The following DGKH variants were observed in gnomAD, a reference collection of about 807,000 sequenced individuals.
The protein encoded by DGKH is DAG kinase eta.
A neutral mutation model predicts 159.3 loss-of-function variants in DGKH; 90 were observed. The observed-to-expected ratio is 0.57, with a 90% CI of 0.48 to 0.67. DGKH has a LOEUF of 0.67. DGKH is among the 30% of genes least tolerant of loss of function. The pLI is 0.00. For missense variants in DGKH, 1,181 were observed against 1,506.1 expected (o/e 0.78, Z 3.57); for synonymous variants, 536 against 553.8 (o/e 0.97, Z 0.45).
chr13:42,220,212 A>G (rs981425413), intron 28 of DGKH, among the ~76,000 whole-genome samples: 3 of 152,156 alleles, frequency 2.0e-5, no homozygotes, highest in African/African-American at 7.2e-5. Flanking sequence ...TGATAAATGG[A>G]ACATAGAAAC....
chr13:42,255,008 T>G (rs891490472), intron 30 of DGKH, among the ~76,000 whole-genome samples: 11 of 152,130 alleles, frequency 7.2e-5, no homozygotes, highest in Non-Finnish European at 4.4e-5. Flanking sequence ...GACTAATTGT[T>G]GAAAATATCT....
chr13:42,198,859 A>G (rs972545041), intron 18 of DGKH, among the ~76,000 whole-genome samples: 2 of 152,142 alleles, frequency 1.3e-5, no homozygotes, highest in Non-Finnish European at 1.5e-5. Flanking sequence ...GCACCAATAA[A>G]TAGAACTGAT....
chr13:42,216,546 C>T (rs1439328729), intron 26 of DGKH: 1 of 152,160 alleles, frequency 6.6e-6, no homozygotes, highest in Non-Finnish European at 1.5e-5. Flanking sequence ...GGAGGTGCAT[C>T]CCACAGCCTT....
At chr13:42,043,211 A>T (rs754004554) in intron 1 of DGKH, among the ~76,000 whole-genome samples, 7 of 152,190 alleles carry the variant, frequency 4.6e-5, no homozygotes, top group Non-Finnish European at 8.8e-5. Context: ...GTGTGTATAT[A>T]TATATGTAAA....
At chr13:42,209,144 C>T (rs879028125) in intron 22 of DGKH, 72 bp downstream of exon 22, 1 of 1,428,198 alleles carries the variant, frequency 7.0e-7, no homozygotes, top group South Asian at 1.3e-5. Context: ...TTCTAAACAA[C>T]TCGTACACTG....
chr13:42,207,981 T>C (rs1259972839), intron 21 of DGKH, among the ~76,000 whole-genome samples: 1 of 152,062 alleles, frequency 6.6e-6, no homozygotes, highest in Non-Finnish European at 1.5e-5. Context: ...ATCAGTGAGA[T>C]TAAGGTAAAT....
intron 8 of DGKH, among the ~76,000 whole-genome samples, chr13:42,165,970 A>G (rs1484107159): frequency 6.6e-6 from 1 of 152,092 alleles, no homozygotes; most frequent in Admixed American, 6.6e-5. Flanking sequence ...ACCATGTATA[A>G]TGCTATGCTG....
Position 42,233,421 on chromosome 13 carries a change from T to C in DGKH, c.*4233T>C, listed in dbSNP as rs1958348557. The stretch of plus-strand genomic sequence containing the variant: ...CTCAAACGATTAGCACTGGCCTACA[T>C]CCATTTTATCCTTCCTTAGCTATTA... On this transcript the variant is annotated 3_prime_UTR_variant, in exon 30 of 30. Transcript: ENST00000337343. 6.6e-6 allele frequency: 1 copy of C among 152,216 alleles called. No individual in the cohort carries two copies. The highest frequency in any genetic ancestry group is 2.1e-4 in the South Asian group (1 of 4,826). The allele number at this position is 152,216 out of a possible 1,614,324, so 9.4% of individuals were successfully genotyped here.
intron 13 of DGKH, among the ~76,000 whole-genome samples, chr13:42,186,543 T>C (rs1956932615): frequency 6.6e-6 from 1 of 152,216 alleles, no homozygotes; most frequent in Admixed American, 6.5e-5. Flanking sequence ...ACAGAGAATA[T>C]AACTCAAGTG....
At chr13:42,162,546 G>A (rs1956212539) in intron 7 of DGKH, among the ~76,000 whole-genome samples, 1 of 151,900 alleles carries the variant, frequency 6.6e-6, no homozygotes, top group African/African-American at 2.4e-5. Context: ...ATGAACACCT[G>A]TAATTCCAGC....
chr13:42,151,904 T>A (rs1955914831), intron 3 of DGKH, among the ~76,000 whole-genome samples: 1 of 152,276 alleles, frequency 6.6e-6, no homozygotes, highest in Middle Eastern at 3.4e-3. Flanking sequence ...TAATTTACAT[T>A]CACACCAACA....
intron 1 of DGKH, among the ~76,000 whole-genome samples, chr13:42,085,771 T>C (rs1954289646): frequency 6.6e-6 from 1 of 152,204 alleles, no homozygotes; most frequent in Non-Finnish European, 1.5e-5. Flanking sequence ...ATTATTCAAC[T>C]CTTGGAAAAT....
chr13:42,131,702 T>C (rs955674179), intron 3 of DGKH, among the ~76,000 whole-genome samples: 7 of 152,204 alleles, frequency 4.6e-5, no homozygotes, highest in African/African-American at 1.7e-4. Context: ...ACATTTTCTT[T>C]AAGTGGGAGT....
intron 12 of DGKH, among the ~76,000 whole-genome samples, chr13:42,175,575 C>T (rs67332916): frequency 0.12 from 18,128 of 152,072 alleles, 1,568 homozygotes; most frequent in East Asian, 0.41. Flanking sequence ...TATAAAATAA[C>T]AGTAAATATT....
chr13:42,146,516 A>C (rs1381921873), intron 3 of DGKH, among the ~76,000 whole-genome samples: 1 of 152,234 alleles, frequency 6.6e-6, no homozygotes. Context: ...ACCCAAATGC[A>C]CAAGTTAGAG....
At position 42,048,792 on chromosome 13, in the gene DGKH, C is replaced by A; in HGVS notation, c.19C>A (p.Gln7Lys). The stretch of plus-strand genomic sequence containing the variant: ...GGAGAGGATGGCAGGGGCCGGAGGC[C>A]AGCACCACCCTCCGGGCGCCGCTGG... MAGAGGQHHPPGAAGGA... is the reference protein window; with the variant it reads MAGAGGKHHPPGAAGGA... Residue 7 changes from glutamine to lysine, a missense_variant, in exon 1 of 30, where the codon CAG becomes AAG. This residue lies in a region of DGKH where 136 missense variants were observed against 132.2 expected (regional missense o/e 1.03). Transcript: ENST00000337343. The surrounding 1 kb of genome is among the most constrained non-coding windows in gnomAD (Gnocchi z 6.7). 7.6e-7 allele frequency: 1 copy of A among 1,311,830 alleles called. No homozygotes were observed. The highest frequency in any genetic ancestry group is 9.7e-7 in the Non-Finnish European group (1 of 1,026,336). 81.3% of individuals were successfully genotyped at this position (1,311,830 alleles called of 1,614,324 possible).
intron 1 of DGKH, among the ~76,000 whole-genome samples, chr13:42,115,238 C>CA (rs148527500): frequency 1.7e-4 from 26 of 152,112 alleles, no homozygotes; most frequent in African/African-American, 6.0e-4. Context: ...CAGTTGTTAT[C>CA]AAAGAAAAAA....
rs1880973503 is a variant in DGKH, at chr13:42,048,664, C to A, written c.-110C>A. 1 of 1,180,468 alleles carries A rather than the reference C, an allele frequency of 8.5e-7. No individual in the cohort carries two copies. The highest frequency in any genetic ancestry group is 1.1e-6 in the Non-Finnish European group (1 of 947,300). 73.1% of individuals were successfully genotyped at this position (1,180,468 alleles called of 1,614,324 possible). ...GGGTAGCTAGGGAAACGGAAGATGG[C>A]GGCGGCGGCCGGGCACGGGGTTCCG... On this transcript the variant is annotated 5_prime_UTR_variant, in exon 1 of 30. Coordinates refer to ENST00000337343, the MANE Select transcript of DGKH (RefSeq NM_178009.5). The surrounding 1 kb of genome is among the most constrained non-coding windows in gnomAD (Gnocchi z 6.7).
Position 42,223,106 on chromosome 13 carries a change from A to T in DGKH, c.3573+1712A>T, listed in dbSNP as rs564546463. 2.0e-5 allele frequency among the ~76,000 whole-genome samples: 3 copies of T among 152,164 alleles called. No homozygotes were observed. The South Asian group carries it at 6.2e-4, about 31-fold the overall frequency. ...AAAATTGTATTAGGTCTGAAACAAG[A>T]TGTGGGGGGTGGATGAGAAAAGGAA... On this transcript the variant is annotated intron_variant, in intron 29 of 29. Coordinates refer to ENST00000337343, the MANE Select transcript of DGKH (RefSeq NM_178009.5).
Sources: gnomAD v4.1 joint callset for allele counts (sites outside exome capture counted in the v4.1 genomes callset) on GRCh38, gnomAD v4.1.1 for gene constraint, gnomAD v4.1.1 regional missense constraint, Gnocchi (gnomAD v3.1) non-coding constraint, MANE v1.5 for transcripts, NCBI Gene and HGNC (gene_info 2026-07-23, HGNC 2026-07-21) for gene names.